CDKN2B-AS1: variants seen among roughly 807,000 people sequenced by gnomAD.
CDKN2B-AS1 encodes CDKN2B antisense RNA 1 (non-protein coding).
intron 1 of CDKN2B-AS1, among the ~76,000 whole-genome samples, chr9:22,002,454 G>A (rs1182985038): frequency 1.3e-5 from 2 of 149,116 alleles, no homozygotes; most frequent in African/African-American, 2.5e-5. Context: ...AATAATTGAG[G>A]GGTAATTATA....
chr9:22,026,971 T>C lies in CDKN2B-AS1; in HGVS notation n.30-19780T>C, dbSNP rs572192782. 2.0e-5 allele frequency among the ~76,000 whole-genome samples: 3 copies of C among 152,308 alleles called. No homozygotes were observed. The East Asian group carries it at 5.8e-4, about 29-fold the overall frequency. ...GGGAGTTTCCCTTGACTCCACGTCT[T>C]TCCCAAGTGGGCTGTCTTCCTGCCT... On this transcript the variant is annotated intron_variant and non_coding_transcript_variant, in intron 1 of 4. Coordinates refer to ENST00000650946, the Ensembl canonical transcript of CDKN2B-AS1.
At chr9:22,053,134 G>T (rs1388318622) in intron 3 of CDKN2B-AS1, among the ~76,000 whole-genome samples, 1 of 152,210 alleles carries the variant, frequency 6.6e-6, no homozygotes, top group Admixed American at 6.5e-5. Context: ...GAATCTGAAA[G>T]TGCAGGAAGT....
At chr9:22,117,098 A>G (rs1825970065) in intron 4 of CDKN2B-AS1, among the ~76,000 whole-genome samples, 1 of 152,236 alleles carries the variant, frequency 6.6e-6, no homozygotes, top group Admixed American at 6.5e-5. Context: ...ATGCATGCAG[A>G]AGAAATTCCC....
intron 4 of CDKN2B-AS1, among the ~76,000 whole-genome samples, chr9:22,057,607 G>A (rs1049089654): frequency 1.4e-4 from 21 of 152,062 alleles, no homozygotes; most frequent in African/African-American, 4.3e-4. Context: ...TCAGGAGTTC[G>A]AGGCCAGCTT....
rs188843538 is a variant in CDKN2B-AS1, at chr9:22,006,537, A to G, written n.29+11376A>G. 2.9e-3 allele frequency among the ~76,000 whole-genome samples: 441 copies of G among 152,360 alleles called. No homozygotes were observed. Among genetic ancestry groups the G allele is most frequent in the Non-Finnish European group, 5.3e-3 (363 of 68,034 alleles). On this transcript the variant is annotated intron_variant and non_coding_transcript_variant, in intron 1 of 4. Transcript: ENST00000650946. This position sits in a 1 kb window ranked among gnomAD's most constrained non-coding sequence, Gnocchi z 6.4. ...GTGATGATCATCATTATGGAAAAAC[A>G]AATCTTGATTTCCATTGGAACATGG...
intron 1 of CDKN2B-AS1, among the ~76,000 whole-genome samples, chr9:22,010,061 T>C (rs1179826793): frequency 6.6e-6 from 1 of 152,222 alleles, no homozygotes. Context: ...TTGTTTGCAC[T>C]CTTACCTATT....
At position 22,017,198 on chromosome 9, in the gene CDKN2B-AS1, G is replaced by A. The variant is rs147658995; in HGVS notation, n.29+22037G>A. On this transcript the variant is annotated intron_variant and non_coding_transcript_variant, in intron 1 of 4. Transcript: ENST00000650946. ...TCCCAGCACTTTGGGAGGCCGAGGC[G>A]CGCAGATCACAAGGTCAGGAGTTCG... Among the ~76,000 whole-genome samples the A allele has an allele frequency of 1.0e-2, 1,520 of 152,300 alleles. 29 individuals carry two copies. Among genetic ancestry groups the A allele is most frequent in the African/African-American group, 0.034 (1,421 of 41,558 alleles).
intron 1 of CDKN2B-AS1, among the ~76,000 whole-genome samples, chr9:22,016,647 A>G (rs1292900720): frequency 6.6e-6 from 1 of 152,168 alleles, no homozygotes; most frequent in Non-Finnish European, 1.5e-5. Flanking sequence ...AACACCGCAT[A>G]TCTACAACTA....
At chr9:22,088,650 C>A (rs1482757257) in intron 4 of CDKN2B-AS1, among the ~76,000 whole-genome samples, 3 of 152,156 alleles carry the variant, frequency 2.0e-5, no homozygotes. Context: ...AATTTAAATA[C>A]ACCAAAGTGG....
intron 1 of CDKN2B-AS1, chr9:22,008,685 C>A: frequency 2.5e-6 from 4 of 1,609,868 alleles, no homozygotes; most frequent in Non-Finnish European, 3.4e-6. Context: ...CTCCGGCCAA[C>A]GGAGACTCCT....
intron 1 of CDKN2B-AS1, among the ~76,000 whole-genome samples, chr9:22,023,572 A>G (rs950418785): frequency 6.6e-6 from 1 of 151,032 alleles, no homozygotes; most frequent in African/African-American, 2.5e-5. Context: ...CACCTCTACT[A>G]AAAATACCAA....
chr9:22,112,831 A>T (rs1425823045), intron 4 of CDKN2B-AS1, among the ~76,000 whole-genome samples: 5 of 152,190 alleles, frequency 3.3e-5, no homozygotes, highest in African/African-American at 1.2e-4. Flanking sequence ...TAAAAAAATG[A>T]GTAAAAGTCC....
chr9:22,037,846 G>A (rs1822750901), intron 1 of CDKN2B-AS1, among the ~76,000 whole-genome samples: 1 of 151,890 alleles, frequency 6.6e-6, no homozygotes, highest in African/African-American at 2.4e-5. Context: ...AATTTTATCT[G>A]TTATGGTCAC....
intron 4 of CDKN2B-AS1, among the ~76,000 whole-genome samples, chr9:22,059,387 G>A (rs1823713832): frequency 6.6e-6 from 1 of 152,172 alleles, no homozygotes; most frequent in African/African-American, 2.4e-5. Flanking sequence ...ATCCAGCGAG[G>A]CAGTCAAACT....
chr9:22,004,194 C>T (rs1821056743), intron 1 of CDKN2B-AS1: 1 of 232,316 alleles, frequency 4.3e-6, no homozygotes, highest in Admixed American at 5.6e-5. Flanking sequence ...CTCTGATTCT[C>T]AACTAACTTT....
At chr9:22,095,620 T>A (rs527865946) in intron 4 of CDKN2B-AS1, among the ~76,000 whole-genome samples, 16 of 150,742 alleles carry the variant, frequency 1.1e-4, no homozygotes, top group African/African-American at 2.2e-4. Context: ...GGTGCAGAGC[T>A]GACTTCAATT....
At position 22,091,707 on chromosome 9, in the gene CDKN2B-AS1, C is replaced by G. The variant is rs138304270; in HGVS notation, n.438+35320C>G. On this transcript the variant is annotated intron_variant and non_coding_transcript_variant, in intron 4 of 4. Transcript: ENST00000650946. ...AGACTTTGCTGAAGTTGCTTATCAG[C>G]TTGAGGAGATTTTGGCTGAGACGAT... is the stretch of plus-strand genomic sequence containing the variant. Among the ~76,000 whole-genome samples, 1,238 of 152,280 alleles carry G rather than the reference C, an allele frequency of 8.1e-3. 23 individuals carry two copies. Among genetic ancestry groups the G allele is most frequent in the African/African-American group, 0.028 (1,158 of 41,536 alleles).
At chr9:22,038,233 A>G (rs1563938944) in intron 1 of CDKN2B-AS1, among the ~76,000 whole-genome samples, 1 of 151,924 alleles carries the variant, frequency 6.6e-6, no homozygotes, top group Non-Finnish European at 1.5e-5. Context: ...TGTCAGTTCT[A>G]GGAGACAGGA....
At chr9:22,085,619 G>C (rs941747919) in intron 4 of CDKN2B-AS1, among the ~76,000 whole-genome samples, 2 of 151,826 alleles carry the variant, frequency 1.3e-5, no homozygotes, top group African/African-American at 4.8e-5. Context: ...TACTCGGGAA[G>C]CTGAGGCAGG....
Sources: gnomAD v4.1 joint callset for allele counts (sites outside exome capture counted in the v4.1 genomes callset) on GRCh38, gnomAD v4.1.1 for gene constraint, Gnocchi (gnomAD v3.1) non-coding constraint, MANE v1.5 for transcripts, NCBI Gene and HGNC (gene_info 2026-07-23, HGNC 2026-07-21) for gene names.